The following STK32B variants were observed in gnomAD, a reference collection of about 807,000 sequenced individuals.
STK32B encodes serine/threonine-protein kinase 32B.
STK32B carries 43 observed loss-of-function variants against 52.6 expected under a neutral mutation model. That is an observed-to-expected ratio of 0.82 (90% CI 0.64 to 1.05). The LOEUF (loss-of-function observed/expected upper bound fraction) is 1.05, where lower values mean the gene tolerates loss of function less well. Among genes scored for constraint, STK32B ranks in the 50% least tolerant of loss-of-function variants. The pLI is 0.00. For missense variants in STK32B, 621 were observed against 534.6 expected, an observed-to-expected ratio of 1.16 and a Z score of -1.59; for synonymous variants, 238 against 204.3, an observed-to-expected ratio of 1.17 and a Z score of -1.41.
rs564134268 is a variant in STK32B, at chr4:5,401,836, A to C, written c.472+3592A>C. Among the ~76,000 whole-genome samples, 19 of 152,372 alleles carry C rather than the reference A, an allele frequency of 1.2e-4. 1 individual carries two copies. The South Asian group carries it at 2.5e-3, about 20-fold the overall frequency. On this transcript the variant is annotated intron_variant, in intron 5 of 11. Coordinates refer to ENST00000282908, the MANE Select transcript of STK32B (RefSeq NM_018401.3). The stretch of plus-strand genomic sequence containing the variant: ...TCGCATAAACAAAAAACATCCCGTT[A>C]GCTCACAGCATCCTGGGGTTGAGGG...
the STK32B span, among the ~76,000 whole-genome samples, chr4:5,041,263 G>A: frequency 3.3e-5 from 5 of 151,882 alleles, no homozygotes; most frequent in African/African-American, 7.3e-5. Flanking sequence ...GACAACACAC[G>A]CACACACACA....
chr4:5,217,419 G>T (rs1302294022), intron 3 of STK32B, among the ~76,000 whole-genome samples: 1 of 152,164 alleles, frequency 6.6e-6, no homozygotes, highest in Non-Finnish European at 1.5e-5. Context: ...AAATGACATT[G>T]ACCACAGATT....
chr4:5,086,079 T>G (rs2108779184), intron 1 of STK32B, among the ~76,000 whole-genome samples: 1 of 152,290 alleles, frequency 6.6e-6, no homozygotes, highest in African/African-American at 2.4e-5. Context: ...AGATAATAGT[T>G]GGTGCAAACA....
intron 11 of STK32B, 49 bp from the exon 12 acceptor site, chr4:5,498,895 CT>C (rs1182222748): frequency 5.8e-6 from 9 of 1,550,244 alleles, no homozygotes; most frequent in Non-Finnish European, 7.9e-6. Context: ...CTGGATGTGC[CT>C]CCACAACCCC....
At chr4:5,387,291 G>A (rs1335283911) in intron 4 of STK32B, among the ~76,000 whole-genome samples, 1 of 152,164 alleles carries the variant, frequency 6.6e-6, no homozygotes, top group Non-Finnish European at 1.5e-5. Flanking sequence ...AACACCTGCT[G>A]GATGCTGGAT....
chr4:5,118,778 C>T (rs899526246), intron 1 of STK32B, among the ~76,000 whole-genome samples: 1 of 152,198 alleles, frequency 6.6e-6, no homozygotes, highest in African/African-American at 2.4e-5. Flanking sequence ...TCCCCAGCAC[C>T]GATCCCATGT....
At chr4:5,466,898 C>T (rs1717482882) in intron 10 of STK32B, 64 bp downstream of exon 10, 1 of 1,549,884 alleles carries the variant, frequency 6.5e-7, no homozygotes, top group Non-Finnish European at 8.7e-7. Context: ...ATGACTGAGC[C>T]AGGCCACTGT....
Position 5,446,780 on chromosome 4 carries a change from AG to A in STK32B, c.666+5del. The A allele has an allele frequency of 3.7e-6, 6 of 1,613,872 alleles. No homozygotes were observed. Among genetic ancestry groups the A allele is most frequent in the Non-Finnish European group, 5.1e-6 (6 of 1,179,880 alleles). Reference sequence around the variant, plus strand: ...CTATGAGCTGCTGCGGGGCTGGGTAAGACAGGCACCTGTGCGGTACACACGA... The same window carrying A: ...CTATGAGCTGCTGCGGGGCTGGGTAAACAGGCACCTGTGCGGTACACACGA... On this transcript the variant is annotated splice_donor_5th_base_variant and intron_variant, in intron 7 of 11. Coordinates refer to ENST00000282908, the MANE Select transcript of STK32B (RefSeq NM_018401.3).
chr4:5,263,259 G>T (rs1044989802), intron 3 of STK32B, among the ~76,000 whole-genome samples: 5 of 152,272 alleles, frequency 3.3e-5, no homozygotes, highest in Non-Finnish European at 5.9e-5. Flanking sequence ...TATCATCCGT[G>T]CAGTCCCATA....
At chr4:5,197,136 A>AG (rs969172108) in intron 3 of STK32B, among the ~76,000 whole-genome samples, 5 of 152,200 alleles carry the variant, frequency 3.3e-5, no homozygotes, top group African/African-American at 9.7e-5. Context: ...AAATGAATGA[A>AG]GAAGGACAAT....
intron 3 of STK32B, among the ~76,000 whole-genome samples, chr4:5,322,255 G>A (rs1015757951): frequency 1.6e-4 from 25 of 151,994 alleles, no homozygotes; most frequent in African/African-American, 5.3e-4. Flanking sequence ...TTTTTTCCTC[G>A]TACAATATGA....
At chr4:5,212,950 T>C (rs1379573696) in intron 3 of STK32B, among the ~76,000 whole-genome samples, 1 of 152,162 alleles carries the variant, frequency 6.6e-6, no homozygotes, top group Non-Finnish European at 1.5e-5. Flanking sequence ...CGCTTTCTGG[T>C]TCTGTCTCTA....
At chr4:5,293,089 G>C (rs1418636356) in intron 3 of STK32B, among the ~76,000 whole-genome samples, 1 of 152,010 alleles carries the variant, frequency 6.6e-6, no homozygotes, top group African/African-American at 2.4e-5. Context: ...ATAGTTTCCA[G>C]CTTCATCCGT....
intron 6 of STK32B, among the ~76,000 whole-genome samples, chr4:5,434,226 G>A (rs553753135): frequency 5.1e-4 from 77 of 152,250 alleles, no homozygotes; most frequent in Non-Finnish European, 9.0e-4. Context: ...CAGGGAATGT[G>A]AATCAAGATC....
intron 3 of STK32B, among the ~76,000 whole-genome samples, chr4:5,234,272 T>G (rs1197047529): frequency 6.6e-6 from 1 of 152,234 alleles, no homozygotes; most frequent in East Asian, 1.9e-4. Context: ...TTTTCTCATC[T>G]GTAAATAGGT....
chr4:5,423,922 G>T (rs1712856442), intron 6 of STK32B, among the ~76,000 whole-genome samples: 1 of 152,130 alleles, frequency 6.6e-6, no homozygotes, highest in South Asian at 2.1e-4. Flanking sequence ...GGAGAGGCGG[G>T]ATTCCTGCCC....
Position 5,394,014 on chromosome 4 carries a change from C to T in STK32B, c.435-4193C>T, listed in dbSNP as rs903711236. 6.6e-6 allele frequency among the ~76,000 whole-genome samples: 1 copy of T among 152,180 alleles called. No individual in the cohort carries two copies. The highest frequency in any genetic ancestry group is 2.4e-5 in the African/African-American group (1 of 41,448). Reference sequence around the variant, plus strand: ...CTCCAGGTTTTTGTATTTCTCTTTACTGCTGCATAAGATTGCCAGCATAGA... The same window carrying T: ...CTCCAGGTTTTTGTATTTCTCTTTATTGCTGCATAAGATTGCCAGCATAGA... On this transcript the variant is annotated intron_variant, in intron 4 of 11. Coordinates refer to ENST00000282908, the MANE Select transcript of STK32B (RefSeq NM_018401.3). This position sits in a 1 kb window ranked among gnomAD's most constrained non-coding sequence, Gnocchi z 4.2.
At chr4:5,136,158 A>G (rs1716063239) in intron 1 of STK32B, among the ~76,000 whole-genome samples, 1 of 152,224 alleles carries the variant, frequency 6.6e-6, no homozygotes, top group Admixed American at 6.5e-5. Context: ...GGCCACAGTG[A>G]TCCCTAAGGA....
chr4:5,113,034 C>T (rs1272293909), intron 1 of STK32B, among the ~76,000 whole-genome samples: 2 of 152,076 alleles, frequency 1.3e-5, no homozygotes, highest in African/African-American at 4.8e-5. Context: ...TGAGATGGAG[C>T]CTCTGTCAGC....
Sources: gnomAD v4.1 joint callset for allele counts (sites outside exome capture counted in the v4.1 genomes callset) on GRCh38, gnomAD v4.1.1 for gene constraint, Gnocchi (gnomAD v3.1) non-coding constraint, MANE v1.5 for transcripts, NCBI Gene and HGNC (gene_info 2026-07-23, HGNC 2026-07-21) for gene names.